FRMD5: variants seen among roughly 807,000 people sequenced by gnomAD.
The protein encoded by FRMD5 is FERM domain-containing protein 5.
A neutral mutation model predicts 69.0 loss-of-function variants in FRMD5; 20 were observed. That is an observed-to-expected ratio of 0.29 (90% CI 0.20 to 0.42). The LOEUF is 0.42. Among genes scored for constraint, FRMD5 ranks in the 10% least tolerant of loss-of-function variants. The pLI, the probability that FRMD5 is intolerant of heterozygous loss-of-function variation, is 1.00. For missense variants in FRMD5, 595 were observed against 708.6 expected (o/e 0.84, Z 1.82); for synonymous variants, 271 against 260.1 (o/e 1.04, Z -0.40).
intron 1 of FRMD5, among the ~76,000 whole-genome samples, chr15:44,168,106 AT>A (rs1286533806): frequency 6.6e-6 from 1 of 152,208 alleles, no homozygotes; most frequent in Non-Finnish European, 1.5e-5. Context: ...TGGGGGAATA[AT>A]TTACTTAACT....
intron 1 of FRMD5, among the ~76,000 whole-genome samples, chr15:44,003,827 T>G (rs961684806): frequency 1.3e-5 from 2 of 152,240 alleles, no homozygotes; most frequent in African/African-American, 4.8e-5. Context: ...TATCATTTAC[T>G]AATTTTTTTA....
chr15:43,976,098 T>C (rs2093137104), intron 1 of FRMD5, among the ~76,000 whole-genome samples: 1 of 144,672 alleles, frequency 6.9e-6, no homozygotes, highest in African/African-American at 2.7e-5. Flanking sequence ...CTTCAATTCA[T>C]ACCTTGTTCC....
intron 10 of FRMD5, among the ~76,000 whole-genome samples, chr15:43,887,464 C>T (rs1368231928): frequency 3.3e-5 from 5 of 152,166 alleles, no homozygotes; most frequent in African/African-American, 7.2e-5. Flanking sequence ...CAAAGTCTCC[C>T]GAGTATATTC....
chr15:43,938,927 T>C, intron 1 of FRMD5, among the ~76,000 whole-genome samples: 1 of 152,132 alleles, frequency 6.6e-6, no homozygotes, highest in East Asian at 1.9e-4. Context: ...AGTGGCACGA[T>C]CTTGACTCAG....
At chr15:44,149,582 T>C (rs1003504251) in intron 1 of FRMD5, among the ~76,000 whole-genome samples, 7 of 152,048 alleles carry the variant, frequency 4.6e-5, no homozygotes, top group African/African-American at 1.7e-4. Flanking sequence ...TAAAAATATA[T>C]AGTCACCATA....
chr15:44,092,682 C>T (rs1206457631), intron 1 of FRMD5, among the ~76,000 whole-genome samples: 1 of 152,100 alleles, frequency 6.6e-6, no homozygotes, highest in Non-Finnish European at 1.5e-5. Flanking sequence ...ATGGGTTTTG[C>T]TCATCTAGAA....
At chr15:43,941,531 C>T (rs1050602890) in intron 1 of FRMD5, among the ~76,000 whole-genome samples, 1 of 152,202 alleles carries the variant, frequency 6.6e-6, no homozygotes, top group Admixed American at 6.5e-5. Context: ...TTGTAATTAT[C>T]TGTAAGTTAT....
At chr15:44,196,421 G>A (rs967352782), upstream of FRMD5, among the ~76,000 whole-genome samples, 1 of 151,648 alleles carries the variant, frequency 6.6e-6, no homozygotes, top group Non-Finnish European at 1.5e-5. Context: ...CCAAGATCAC[G>A]GCCATTGCAC....
chr15:44,064,832 C>G (rs1191725459), intron 1 of FRMD5, among the ~76,000 whole-genome samples: 1 of 152,154 alleles, frequency 6.6e-6, no homozygotes, highest in Non-Finnish European at 1.5e-5. Flanking sequence ...GTCTTGTACT[C>G]AAGATGCTCT....
chr15:43,884,626 G>T, intron 12 of FRMD5, 101 bp downstream of exon 12: 1 of 991,846 alleles, frequency 1.0e-6, no homozygotes, highest in Non-Finnish European at 1.5e-6. Context: ...TGGACTTTTT[G>T]GTAGCCACTG....
chr15:43,992,435 G>A (rs540902060), intron 1 of FRMD5, among the ~76,000 whole-genome samples: 6 of 150,118 alleles, frequency 4.0e-5, no homozygotes, highest in South Asian at 4.2e-4. Flanking sequence ...CTGGAGAGCC[G>A]TGGTGCGATA....
At position 44,005,001 on chromosome 15, in the gene FRMD5, G is replaced by C. The variant is rs112911008; in HGVS notation, c.103-80692C>G. ...GAAAGTTTTAGTGGTCTGGATAGAA[G>C]ATCACACAAGACACAGCATTCCCTT... On this transcript the variant is annotated intron_variant, in intron 1 of 13. Transcript: ENST00000417257. Among the ~76,000 whole-genome samples the C allele has an allele frequency of 7.3e-3, 1,119 of 152,302 alleles. 21 individuals are homozygous for C. Among genetic ancestry groups the C allele is most frequent in the African/African-American group, 0.026 (1,070 of 41,578 alleles).
chr15:43,913,088 C>T (rs1477599674), intron 4 of FRMD5, among the ~76,000 whole-genome samples: 1 of 151,994 alleles, frequency 6.6e-6, no homozygotes, highest in Non-Finnish European at 1.5e-5. Flanking sequence ...GATTTGCTCC[C>T]CTTCTCCTCC....
chr15:43,891,870 G>A (rs1036302098), intron 8 of FRMD5, 111 bp downstream of exon 8: 1 of 829,906 alleles, frequency 1.2e-6, no homozygotes, highest in African/African-American at 1.7e-5. Context: ...CAAGGCTTTG[G>A]AGAGGGCTCT....
chr15:44,154,510 TATAAA>T (rs1202406476), intron 1 of FRMD5, among the ~76,000 whole-genome samples: 1 of 152,224 alleles, frequency 6.6e-6, no homozygotes, highest in Admixed American at 6.5e-5. Flanking sequence ...TATGCAACAG[TATAAA>T]ATAGTTATTT....
At chr15:44,053,162 AG>A (rs2140353104) in intron 1 of FRMD5, among the ~76,000 whole-genome samples, 1 of 152,268 alleles carries the variant, frequency 6.6e-6, no homozygotes, top group East Asian at 1.9e-4. Flanking sequence ...ACTTCAAACA[AG>A]GGGAAGGCAA....
intron 1 of FRMD5, among the ~76,000 whole-genome samples, chr15:43,941,618 C>G (rs1010918010): frequency 6.6e-6 from 1 of 152,090 alleles, no homozygotes; most frequent in African/African-American, 2.4e-5. Context: ...ATATGGTGGG[C>G]ACTTAAAAAA....
In FRMD5 at chr15:44,120,533, A is replaced by ATTTT. The variant is rs397961745; in HGVS notation, c.102+74416_102+74419dup. Among the ~76,000 whole-genome samples the ATTTT allele has an allele frequency of 1.1e-3, 158 of 137,792 alleles. 47 individuals carry two copies. Among genetic ancestry groups the ATTTT allele is most frequent in the Middle Eastern group, 7.9e-3 (2 of 254 alleles). 90.4% of individuals were successfully genotyped at this position (137,792 alleles called of 152,430 possible). ...AAGTAGGGATTATTGGGAAGAGTGG[A>ATTTT]TTTTTTTTTTTTTTTTTTGAGACGG... is the stretch of plus-strand genomic sequence containing the variant. On this transcript the variant is annotated intron_variant, in intron 1 of 13. Coordinates refer to ENST00000417257, the MANE Select transcript of FRMD5 (RefSeq NM_032892.5).
intron 1 of FRMD5, among the ~76,000 whole-genome samples, chr15:44,151,936 G>A (rs1043670711): frequency 6.6e-5 from 10 of 152,326 alleles, no homozygotes; most frequent in East Asian, 5.8e-4. Flanking sequence ...CAGGCCAGGC[G>A]CGGTGGATCA....
Sources: allele counts gnomAD v4.1 joint callset (sites outside exome capture counted in the v4.1 genomes callset), GRCh38; gene constraint gnomAD v4.1.1; transcripts MANE v1.5; gene names NCBI Gene and HGNC (gene_info 2026-07-23, HGNC 2026-07-21).